ALLC: variants seen among roughly 807,000 people sequenced by gnomAD.
The protein encoded by ALLC is probable inactive allantoicase.
ALLC carries 40 observed loss-of-function variants against 45.0 expected under a neutral mutation model. The ratio of observed to expected loss-of-function variants is 0.89; its 90% CI spans 0.69 to 1.16. The LOEUF (loss-of-function observed/expected upper bound fraction) is 1.16. Ranked by LOEUF, ALLC falls within the 50% of genes most tolerant of loss-of-function variation. The pLI, the probability that ALLC is intolerant of heterozygous loss-of-function variation, is 0.00. For synonymous variants in ALLC, 176 were observed against 178.1 expected (o/e 0.99, Z 0.09); for missense variants, 488 against 493.1 (o/e 0.99, Z 0.10).
intron 7 of ALLC, among the ~76,000 whole-genome samples, chr2:3,687,221 A>C (rs1667354077): frequency 6.6e-6 from 1 of 150,678 alleles, no homozygotes; most frequent in African/African-American, 2.4e-5. Flanking sequence ...TTCTTGGTTC[A>C]GTTAGTGATG....
intron 7 of ALLC, among the ~76,000 whole-genome samples, chr2:3,689,198 A>G (rs1341209987): frequency 6.0e-5 from 9 of 150,452 alleles, no homozygotes; most frequent in Admixed American, 6.0e-4. Flanking sequence ...CCTCTGTATT[A>G]TTTTAGTTGC....
At chr2:3,677,161 C>T (rs1308395768) in intron 3 of ALLC, among the ~76,000 whole-genome samples, 1 of 152,206 alleles carries the variant, frequency 6.6e-6, no homozygotes, top group Admixed American at 6.5e-5. Context: ...TACAACAGGG[C>T]TGTTTTCCTG....
upstream of ALLC, among the ~76,000 whole-genome samples, chr2:3,656,010 C>T (rs1382011603): frequency 1.3e-5 from 2 of 152,134 alleles, no homozygotes; most frequent in Admixed American, 6.5e-5. Flanking sequence ...TGGAATGGGG[C>T]GGGGGGAGGA....
chr2:3,684,361 T>C (rs1436571187), intron 7 of ALLC, among the ~76,000 whole-genome samples: 1 of 152,204 alleles, frequency 6.6e-6, no homozygotes, highest in Non-Finnish European at 1.5e-5. Flanking sequence ...TCTTTTCATA[T>C]GTTTATTGGC....
chr2:3,652,381 T>G, the ALLC span, among the ~76,000 whole-genome samples: 3 of 152,380 alleles, frequency 2.0e-5, no homozygotes, highest in South Asian at 2.1e-4. Flanking sequence ...CCAGAGCCAC[T>G]ATTCATAGAG....
chr2:3,651,443 TA>T, the ALLC span, among the ~76,000 whole-genome samples: 2,508 of 16,802 alleles, frequency 0.15, 1,022 homozygotes, highest in Admixed American at 0.32. Flanking sequence ...GTGTGTGTGT[TA>T]GGAAGGGAGA....
chr2:3,649,587 A>G, the ALLC span, among the ~76,000 whole-genome samples: 4 of 152,390 alleles, frequency 2.6e-5, no homozygotes, highest in East Asian at 1.9e-4. Context: ...TGGTTTACAC[A>G]TACATTTAAG....
At chr2:3,651,311 G>T in the ALLC span, among the ~76,000 whole-genome samples, 29 of 4,490 alleles carry the variant, frequency 6.5e-3, 6 homozygotes, top group East Asian at 0.018. Flanking sequence ...TGGGTGGGTG[G>T]GTGGGGGGGG....
At chr2:3,646,984 G>A in the ALLC span, among the ~76,000 whole-genome samples, 1 of 152,090 alleles carries the variant, frequency 6.6e-6, no homozygotes, top group South Asian at 2.1e-4. Flanking sequence ...GTCCTCAGTG[G>A]TCCCCACTTC....
Position 3,680,125 on chromosome 2 carries a change from A to C in ALLC, c.298+131A>C. 1 of 1,278,790 alleles carries C rather than the reference A, an allele frequency of 7.8e-7. No individual in the cohort carries two copies. The highest frequency in any genetic ancestry group is 2.1e-5 in the Admixed American group (1 of 48,266). The allele number at this position is 1,278,790 out of a possible 1,614,324, so 79.2% of individuals were successfully genotyped here. ...TCAGGCGCTTGACTAAGGCTACTTTACTGTAACGGGGCTGTAGGACCAGGA... is the reference window on the plus strand; with the variant it reads ...TCAGGCGCTTGACTAAGGCTACTTTCCTGTAACGGGGCTGTAGGACCAGGA... On this transcript the variant is annotated intron_variant, in intron 5 of 11. Transcript: ENST00000252505. The surrounding 1 kb of genome is among the most constrained non-coding windows in gnomAD (Gnocchi z 4.0).
intron 7 of ALLC, among the ~76,000 whole-genome samples, chr2:3,685,829 T>G (rs1667323728): frequency 6.6e-6 from 1 of 151,090 alleles, no homozygotes; most frequent in Non-Finnish European, 1.5e-5. Context: ...TATAAATTAT[T>G]TTTTTTGCTA....
At position 3,702,392 on chromosome 2, in the gene ALLC, T is replaced by C. The variant is rs753693577; in HGVS notation, c.1005T>C (p.Asp335=). ...KLSPNQSHLF[D]SLTLELQDVI... is the part of the protein sequence containing the mutation. Reference sequence around the variant, plus strand: ...CTCCCAACCAAAGTCATCTGTTCGATAGCCTGACCCTAGAGCTCCAAGATG... The same window carrying C: ...CTCCCAACCAAAGTCATCTGTTCGACAGCCTGACCCTAGAGCTCCAAGATG... The change falls in exon 12 of 12, where the codon GAT becomes GAC. Residue 335 remains aspartate, a synonymous_variant. Coordinates refer to ENST00000252505, the MANE Select transcript of ALLC (RefSeq NM_018436.4). 6 of 1,613,248 alleles carry C rather than the reference T, an allele frequency of 3.7e-6. No individual in the cohort carries two copies. Among genetic ancestry groups the C allele is most frequent in the East Asian group, 2.2e-5 (1 of 44,880 alleles).
At chr2:3,679,828 T>C in intron 4 of ALLC, 41 bp from the exon 5 acceptor site, 5 of 1,610,346 alleles carry the variant, frequency 3.1e-6, no homozygotes, top group Non-Finnish European at 3.4e-6. Context: ...ATCTGCTGTG[T>C]TGGCCCTAAC....
At position 3,695,825 on chromosome 2, in the gene ALLC, G is replaced by T. The variant is rs750179410; in HGVS notation, c.620G>T (p.Cys207Phe). ...GTGGCCATCGCTTTTGGGGGTGTCT[G>T]TGTAGGATTTAGTAATGCTAAGTTT... Reference protein sequence around the residue: ...DLVAIAFGGVCVGFSNAKFGH... With the variant: ...DLVAIAFGGVFVGFSNAKFGH... Residue 207 changes from cysteine (C) to phenylalanine (F), a missense_variant, in exon 8 of 12, where the codon TGT (cysteine) becomes TTT (phenylalanine). Transcript: ENST00000252505. 6 of 1,613,708 alleles carry T rather than the reference G, an allele frequency of 3.7e-6. No homozygotes were observed. In the East Asian group the frequency reaches 1.1e-4, roughly 30 times the overall value.
chr2:3,662,847 C>T (rs895810515), intron 1 of ALLC, among the ~76,000 whole-genome samples: 18 of 152,208 alleles, frequency 1.2e-4, no homozygotes, highest in Non-Finnish European at 1.5e-5. Context: ...TATGTAACGT[C>T]TGAAGCTGCT....
chr2:3,658,861 AG>A (rs1461818551), intron 1 of ALLC, among the ~76,000 whole-genome samples: 1 of 140,324 alleles, frequency 7.1e-6, no homozygotes, highest in Non-Finnish European at 1.5e-5. Context: ...TGGATGACAG[AG>A]TGAGACCCTG....
chr2:3,675,469 T>C (rs1207362296), intron 3 of ALLC, among the ~76,000 whole-genome samples: 5 of 150,812 alleles, frequency 3.3e-5, no homozygotes, highest in African/African-American at 1.2e-4. Flanking sequence ...TAAAACAGAG[T>C]TTGAAGGCGC....
chr2:3,696,640 A>T (rs1667680920), intron 9 of ALLC, among the ~76,000 whole-genome samples: 1 of 152,236 alleles, frequency 6.6e-6, no homozygotes, highest in Non-Finnish European at 1.5e-5. Context: ...TACAAAAGTT[A>T]TGAATAAATG....
At chr2:3,668,526 CT>C (rs1666784798) in intron 1 of ALLC, among the ~76,000 whole-genome samples, 1 of 147,402 alleles carries the variant, frequency 6.8e-6, no homozygotes, top group Admixed American at 6.7e-5. Context: ...TCCTCTCCCT[CT>C]CTGCCTCTGT....
Sources: allele counts gnomAD v4.1 joint callset (sites outside exome capture counted in the v4.1 genomes callset), GRCh38; gene constraint gnomAD v4.1.1; non-coding constraint Gnocchi (gnomAD v3.1); transcripts MANE v1.5; gene names NCBI Gene and HGNC (gene_info 2026-07-23, HGNC 2026-07-21).